The following XIRP2 variants were observed in gnomAD, a reference collection of about 807,000 sequenced individuals.
XIRP2 encodes xin actin binding repeat containing 2, also known as xin actin-binding repeat-containing protein 2.
A neutral mutation model predicts 277.0 loss-of-function variants in XIRP2; 236 were observed. The ratio of observed to expected loss-of-function variants is 0.85; its 90% CI spans 0.77 to 0.95. The LOEUF is 0.95. XIRP2 is among the 40% of genes least tolerant of loss of function. XIRP2 has a pLI of 0.00. For synonymous variants in XIRP2, 1,490 were observed against 1,416.5 expected (o/e 1.05, Z -1.17); for missense variants, 4,640 against 4,157.5 (o/e 1.12, Z -3.19).
At chr2:167,010,422 G>T (rs747747602) in intron 2 of XIRP2, among the ~76,000 whole-genome samples, 32 of 151,806 alleles carry the variant, frequency 2.1e-4, no homozygotes, top group Admixed American at 8.6e-4. Context: ...CTGTTCCATT[G>T]ATCTATATCT....
At chr2:167,056,265 A>G (rs1023649151) in intron 2 of XIRP2, among the ~76,000 whole-genome samples, 7 of 152,288 alleles carry the variant, frequency 4.6e-5, no homozygotes, top group African/African-American at 1.7e-4. Context: ...TCTCCTCTGA[A>G]AGCCTGAAGT....
chr2:166,911,258 G>A (rs1255921216), intron 2 of XIRP2, among the ~76,000 whole-genome samples: 4 of 152,130 alleles, frequency 2.6e-5, no homozygotes, highest in Non-Finnish European at 2.9e-5. Context: ...AAGTCTCTTT[G>A]TAGGTCACTC....
intron 3 of XIRP2, among the ~76,000 whole-genome samples, chr2:167,165,224 A>T (rs888106660): frequency 6.6e-6 from 1 of 152,180 alleles, no homozygotes; most frequent in Non-Finnish European, 1.5e-5. Context: ...TGGATATGCC[A>T]CCGCTTTTTG....
intron 2 of XIRP2, 64 bp from the exon 3 acceptor site, chr2:167,135,845 T>TA: frequency 1.4e-6 from 2 of 1,408,188 alleles, no homozygotes; most frequent in East Asian, 2.6e-5. Context: ...CTAACCCCCC[T>TA]AAAAAACACA....
At chr2:167,121,187 T>G (rs1691046935) in intron 2 of XIRP2, among the ~76,000 whole-genome samples, 1 of 152,208 alleles carries the variant, frequency 6.6e-6, no homozygotes, top group African/African-American at 2.4e-5. Context: ...GTGGATATCC[T>G]ATCTAAGCAG....
Position 167,176,018 on chromosome 2 carries a change from G to A in XIRP2, c.563-34717G>A, listed in dbSNP as rs570994452. On this transcript the variant is annotated intron_variant, in intron 3 of 10. Coordinates refer to ENST00000409195, the MANE Select transcript of XIRP2 (RefSeq NM_152381.6). ...GACTTCAGAGTGCTGTGCTGGCAGC[G>A]AGAATTTCAAGCCAATGGATCTTAG... Among the ~76,000 whole-genome samples, 6 of 152,288 alleles carry A rather than the reference G, an allele frequency of 3.9e-5. 1 individual carries two copies. The South Asian group carries it at 6.2e-4, about 16-fold the overall frequency.
intron 2 of XIRP2, among the ~76,000 whole-genome samples, chr2:166,977,968 C>T (rs897526589): frequency 1.3e-5 from 2 of 152,072 alleles, no homozygotes; most frequent in African/African-American, 4.8e-5. Context: ...CTTTTTAATA[C>T]AAATTTACAA....
intron 2 of XIRP2, among the ~76,000 whole-genome samples, chr2:167,100,793 C>T (rs541628815): frequency 2.0e-5 from 3 of 152,286 alleles, no homozygotes; most frequent in African/African-American, 7.2e-5. Flanking sequence ...CCTTCTTCTT[C>T]CATCATTAGT....
intron 2 of XIRP2, among the ~76,000 whole-genome samples, chr2:167,094,290 C>A (rs1030602150): frequency 6.6e-6 from 1 of 152,068 alleles, no homozygotes; most frequent in African/African-American, 2.4e-5. Flanking sequence ...ATGATAGTTT[C>A]TTTTGCTGTG....
chr2:167,228,643 T>C (rs1457775006), intron 5 of XIRP2, among the ~76,000 whole-genome samples: 4 of 152,260 alleles, frequency 2.6e-5, no homozygotes, highest in East Asian at 3.9e-4. Context: ...TGGCCGTTTT[T>C]CTCAGGAAGT....
intron 2 of XIRP2, among the ~76,000 whole-genome samples, chr2:166,960,440 G>T: frequency 6.6e-6 from 1 of 151,644 alleles, no homozygotes; most frequent in Admixed American, 6.6e-5. Flanking sequence ...GATCAGGTTT[G>T]ATCTCCTTTT....
intron 3 of XIRP2, among the ~76,000 whole-genome samples, chr2:167,195,595 C>A (rs1269900730): frequency 6.6e-6 from 1 of 152,136 alleles, no homozygotes; most frequent in Non-Finnish European, 1.5e-5. Context: ...AGGAGCGAGG[C>A]ACTGGAAGAT....
chr2:167,040,672 G>A (rs539218062), intron 2 of XIRP2, among the ~76,000 whole-genome samples: 23 of 152,230 alleles, frequency 1.5e-4, no homozygotes, highest in African/African-American at 4.6e-4. Flanking sequence ...GTCAGGGCAC[G>A]GCTATCTTGC....
At chr2:167,155,907 C>T (rs377152160) in intron 3 of XIRP2, among the ~76,000 whole-genome samples, 12 of 150,274 alleles carry the variant, frequency 8.0e-5, no homozygotes, top group African/African-American at 2.7e-4. Flanking sequence ...AGTCTCAGGA[C>T]ACAAAATCAA....
At chr2:167,213,331 T>C (rs987618079) in intron 4 of XIRP2, among the ~76,000 whole-genome samples, 2 of 152,176 alleles carry the variant, frequency 1.3e-5, no homozygotes, top group Non-Finnish European at 2.9e-5. Flanking sequence ...AAAACCAAGT[T>C]CAAGAGCTGT....
chr2:167,031,291 T>G (rs1328645310), intron 2 of XIRP2, among the ~76,000 whole-genome samples: 1 of 152,138 alleles, frequency 6.6e-6, no homozygotes, highest in Non-Finnish European at 1.5e-5. Flanking sequence ...ATAGTGTTGA[T>G]GGTCTTTACA....
chr2:167,020,489 T>C (rs542040985), intron 2 of XIRP2, among the ~76,000 whole-genome samples: 1 of 152,142 alleles, frequency 6.6e-6, no homozygotes, highest in South Asian at 2.1e-4. Flanking sequence ...TAAAACACCA[T>C]GTATTATATA....
chr2:167,141,818 G>A (rs1045417570), intron 3 of XIRP2, among the ~76,000 whole-genome samples: 3 of 152,074 alleles, frequency 2.0e-5, no homozygotes, highest in Non-Finnish European at 4.4e-5. Context: ...CTAAGATCAT[G>A]CCACTGCACT....
intron 3 of XIRP2, among the ~76,000 whole-genome samples, chr2:167,195,654 G>A (rs945247124): frequency 6.6e-6 from 1 of 152,058 alleles, no homozygotes; most frequent in African/African-American, 2.4e-5. Context: ...AAGGAGAGAG[G>A]GCAAAGAGAA....
Sources: allele counts gnomAD v4.1 joint callset (sites outside exome capture counted in the v4.1 genomes callset), GRCh38; gene constraint gnomAD v4.1.1; transcripts MANE v1.5; gene names NCBI Gene and HGNC (gene_info 2026-07-23, HGNC 2026-07-21).